Variants in CAST observed in about 807,000 individuals in gnomAD.
CAST encodes calpastatin, also known as MIR583 host.
In CAST, 76 loss-of-function variants were observed where a neutral mutation model predicts 119.6. The ratio of observed to expected loss-of-function variants is 0.64; its 90% CI spans 0.53 to 0.77. The LOEUF (loss-of-function observed/expected upper bound fraction) is 0.77, where lower values mean the gene tolerates loss of function less well. CAST is among the 30% of genes least tolerant of loss of function. The pLI, the probability that CAST is intolerant of heterozygous loss-of-function variation, is 0.00. For synonymous variants in CAST, 319 were observed against 331.6 expected, an observed-to-expected ratio of 0.96 and a Z score of 0.41; for missense variants, 953 against 946.5, an observed-to-expected ratio of 1.01 and a Z score of -0.09.
At chr5:96,120,018 CG>C in the CAST span, among the ~76,000 whole-genome samples, 1 of 152,030 alleles carries the variant, frequency 6.6e-6, no homozygotes, top group Non-Finnish European at 1.5e-5. Context: ...CGTTTTATTC[CG>C]AGATATCTTT....
chr5:96,049,889 C>CAAAAAAAAAAAAAAAAAAAAAA, the CAST span, among the ~76,000 whole-genome samples: 14 of 34,186 alleles, frequency 4.1e-4, no homozygotes, highest in Admixed American at 5.1e-4. Flanking sequence ...GAACAGGAGG[C>CAAAAAAAAAAAAAAAAAAAAAA]AAAAAAAAAA....
the CAST span, among the ~76,000 whole-genome samples, chr5:96,305,379 T>C: frequency 3.9e-5 from 6 of 152,240 alleles, no homozygotes; most frequent in Admixed American, 3.3e-4. Context: ...TTTCTAAATA[T>C]ACAATCATGT....
chr5:96,007,130 TTGC>T, the CAST span, among the ~76,000 whole-genome samples: 1 of 152,226 alleles, frequency 6.6e-6, no homozygotes, highest in African/African-American at 2.4e-5. Flanking sequence ...ATTGACCAGT[TTGC>T]TTCCATTAAG....
the CAST span, among the ~76,000 whole-genome samples, chr5:96,329,434 T>A: frequency 3.3e-5 from 5 of 152,174 alleles, no homozygotes; most frequent in Non-Finnish European, 7.4e-5. Context: ...AGATGGGCCT[T>A]GCTAGGAATG....
chr5:96,256,889 A>T, the CAST span, among the ~76,000 whole-genome samples: 5 of 152,194 alleles, frequency 3.3e-5, no homozygotes, highest in African/African-American at 1.2e-4. Context: ...GGCACCAGGA[A>T]TCCAGGACCT....
At chr5:95,992,021 G>C in the CAST span, among the ~76,000 whole-genome samples, 1 of 152,162 alleles carries the variant, frequency 6.6e-6, no homozygotes, top group Non-Finnish European at 1.5e-5. Flanking sequence ...TTCAGTAACA[G>C]ATGAATTAGA....
At chr5:96,616,751 T>TACAC (rs1260243045) in intron 1 of CAST, among the ~76,000 whole-genome samples, 358 of 118,494 alleles carry the variant, frequency 3.0e-3, no homozygotes, top group South Asian at 5.5e-3. Flanking sequence ...TCTCTATATA[T>TACAC]ATACACACAC....
the CAST span, among the ~76,000 whole-genome samples, chr5:96,411,353 C>T: frequency 2.0e-5 from 3 of 152,228 alleles, no homozygotes; most frequent in African/African-American, 7.2e-5. Context: ...CTTCAATCTT[C>T]TGGCTGACTG....
At chr5:96,722,957 G>A (rs909364435) in intron 4 of CAST, among the ~76,000 whole-genome samples, 1 of 151,056 alleles carries the variant, frequency 6.6e-6, no homozygotes, top group African/African-American at 2.4e-5. Context: ...GTTTTGTTTT[G>A]TTTTGAGACA....
chr5:96,439,249 C>T, the CAST span, among the ~76,000 whole-genome samples: 3 of 152,240 alleles, frequency 2.0e-5, no homozygotes, highest in East Asian at 3.9e-4. Flanking sequence ...TCATGCCCCA[C>T]TAAAACCCCT....
the CAST span, among the ~76,000 whole-genome samples, chr5:95,992,989 T>C: frequency 1.8e-4 from 27 of 152,312 alleles, no homozygotes; most frequent in Admixed American, 1.7e-3. Context: ...AAACACACTT[T>C]TTAAAAATTA....
rs138697397 is a variant in CAST at position 96,773,830 on chromosome 5, T to C, written c.*1214T>C. ...TAACATAAAACAGATTGGGAATTTA[T>C]TGTTTCCAAAGGGCATGGCCTTCCT... is the stretch of plus-strand genomic sequence containing the variant. On this transcript the variant is annotated 3_prime_UTR_variant, in exon 32 of 32. Coordinates refer to ENST00000675179, the MANE Select transcript of CAST (RefSeq NM_001750.7). 7 of 152,460 alleles carry C rather than the reference T, an allele frequency of 4.6e-5. No individual in the cohort carries two copies. In the East Asian group the frequency reaches 1.3e-3, roughly 29 times the overall value. The allele number at this position is 152,460 out of a possible 1,614,324, so 9.4% of individuals were successfully genotyped here.
chr5:96,146,018 A>G, the CAST span, among the ~76,000 whole-genome samples: 2 of 152,208 alleles, frequency 1.3e-5, no homozygotes, highest in African/African-American at 4.8e-5. Context: ...CTTAAAGTCT[A>G]GGCTTACTGG....
the CAST span, among the ~76,000 whole-genome samples, chr5:96,282,889 G>A: frequency 6.6e-6 from 1 of 151,932 alleles, no homozygotes; most frequent in African/African-American, 2.4e-5. Flanking sequence ...CAGCACTTTG[G>A]GAGGCCGAGG....
the CAST span, among the ~76,000 whole-genome samples, chr5:96,159,515 G>A: frequency 2.0e-5 from 3 of 152,320 alleles, no homozygotes; most frequent in African/African-American, 7.2e-5. Context: ...CCCATCTTGA[G>A]GAAAGCAGTG....
At chr5:95,978,908 G>T in the CAST span, among the ~76,000 whole-genome samples, 1 of 152,098 alleles carries the variant, frequency 6.6e-6, no homozygotes, top group East Asian at 1.9e-4. Flanking sequence ...TGACTCTTGG[G>T]TTATCAGGTG....
the CAST span, among the ~76,000 whole-genome samples, chr5:96,153,900 G>A: frequency 7.2e-5 from 11 of 152,136 alleles, no homozygotes; most frequent in Admixed American, 3.3e-4. Context: ...AAATATATGC[G>A]TAAGGCAGAT....
chr5:96,717,490 T>C (rs757744767), intron 3 of CAST, among the ~76,000 whole-genome samples: 87 of 152,328 alleles, frequency 5.7e-4, no homozygotes, highest in African/African-American at 1.9e-3. Flanking sequence ...CAAGCAGTTA[T>C]TGGTTCACAT....
chr5:96,142,432 T>C, the CAST span, among the ~76,000 whole-genome samples: 1 of 152,136 alleles, frequency 6.6e-6, no homozygotes, highest in Admixed American at 6.5e-5. Flanking sequence ...TTTTGAGTTG[T>C]GCACTTTTTA....
Sources: allele counts gnomAD v4.1 joint callset (sites outside exome capture counted in the v4.1 genomes callset), GRCh38; gene constraint gnomAD v4.1.1; transcripts MANE v1.5; gene names NCBI Gene and HGNC (gene_info 2026-07-23, HGNC 2026-07-21).